Variants in ADAMTS6 observed in about 807,000 individuals in gnomAD.
ADAMTS6 encodes the protein A disintegrin and metalloproteinase with thrombospondin motifs 6.
ADAMTS6 carries 23 observed loss-of-function variants against 144.3 expected under a neutral mutation model. The observed-to-expected ratio is 0.16, with a 90% CI of 0.11 to 0.23. The LOEUF (loss-of-function observed/expected upper bound fraction) is 0.23, where lower values mean the gene tolerates loss of function less well. Ranked by LOEUF, ADAMTS6 falls within the 10% of genes least tolerant of loss-of-function variation. ADAMTS6 has a pLI of 1.00. For missense variants in ADAMTS6, 999 were observed against 1,379.6 expected, an observed-to-expected ratio of 0.72 and a Z score of 4.37; for synonymous variants, 444 against 457.5, an observed-to-expected ratio of 0.97 and a Z score of 0.38.
At chr5:65,287,117 G>T (rs191951129) in intron 11 of ADAMTS6, among the ~76,000 whole-genome samples, 1 of 152,312 alleles carries the variant, frequency 6.6e-6, no homozygotes, top group African/African-American at 2.4e-5. Flanking sequence ...GATCTGGTAA[G>T]AATCTAGCTT....
chr5:65,195,808 C>A (rs937279100), intron 21 of ADAMTS6, among the ~76,000 whole-genome samples: 3 of 152,162 alleles, frequency 2.0e-5, no homozygotes, highest in Admixed American at 6.5e-5. Context: ...ATTAATTAAC[C>A]AGGAAGATAA....
intron 7 of ADAMTS6, among the ~76,000 whole-genome samples, chr5:65,417,063 G>T (rs1375250261): frequency 6.6e-6 from 1 of 152,078 alleles, no homozygotes. Flanking sequence ...GGGATGCAAG[G>T]TTGGTTCAAC....
Position 65,422,917 on chromosome 5 carries a change from G to A in ADAMTS6, c.1073+28558C>T, listed in dbSNP as rs533762964. Among the ~76,000 whole-genome samples, 23 of 152,130 alleles carry A rather than the reference G, an allele frequency of 1.5e-4. No individual in the cohort carries two copies. The South Asian group carries it at 4.6e-3, about 30-fold the overall frequency. On this transcript the variant is annotated intron_variant, in intron 7 of 24. Coordinates refer to ENST00000381055, the MANE Select transcript of ADAMTS6 (RefSeq NM_197941.4). ...CCTAAGTTCTAAGTTCCCATCAAAC[G>A]ATGAATGGATTAAGAAAATGCGATA...
intron 7 of ADAMTS6, among the ~76,000 whole-genome samples, chr5:65,401,419 A>T (rs1347325370): frequency 6.6e-6 from 1 of 152,076 alleles, no homozygotes; most frequent in Non-Finnish European, 1.5e-5. Context: ...AAAAGAACAG[A>T]GTGCTCTGGC....
chr5:65,471,483 G>T (rs375098962), intron 2 of ADAMTS6, among the ~76,000 whole-genome samples: 4 of 152,054 alleles, frequency 2.6e-5, no homozygotes, highest in East Asian at 3.9e-4. Context: ...TAAAAGAAAA[G>T]AGTTTAGCTC....
chr5:65,330,507 T>G (rs539862152), intron 8 of ADAMTS6, among the ~76,000 whole-genome samples: 1 of 152,198 alleles, frequency 6.6e-6, no homozygotes, highest in South Asian at 2.1e-4. Flanking sequence ...CCACCAAAAG[T>G]GATTTCGATT....
intron 7 of ADAMTS6, among the ~76,000 whole-genome samples, chr5:65,337,185 A>G (rs143168604): frequency 7.9e-5 from 12 of 152,172 alleles, no homozygotes; most frequent in African/African-American, 2.9e-4. Context: ...ATTCAAATAT[A>G]GAATTGATGA....
At chr5:65,340,794 T>C (rs902142702) in intron 7 of ADAMTS6, among the ~76,000 whole-genome samples, 1 of 152,072 alleles carries the variant, frequency 6.6e-6, no homozygotes, top group Admixed American at 6.5e-5. Context: ...TATACCTCTA[T>C]TTATATCAGA....
chr5:65,178,229 T>G (rs1754102505), intron 22 of ADAMTS6, among the ~76,000 whole-genome samples: 1 of 152,096 alleles, frequency 6.6e-6, no homozygotes, highest in Non-Finnish European at 1.5e-5. Flanking sequence ...ACCCTGACAT[T>G]TCATCAATCA....
chr5:65,298,618 A>C (rs1580331027), intron 10 of ADAMTS6, among the ~76,000 whole-genome samples: 1 of 152,176 alleles, frequency 6.6e-6, no homozygotes, highest in East Asian at 1.9e-4. Flanking sequence ...ATAGCACTTC[A>C]ATCAGTTTTC....
At chr5:65,375,524 T>A (rs897542120) in intron 7 of ADAMTS6, among the ~76,000 whole-genome samples, 4 of 152,100 alleles carry the variant, frequency 2.6e-5, no homozygotes, top group African/African-American at 9.7e-5. Context: ...TCACCATCAC[T>A]GGCCATCAGA....
At chr5:65,473,541 A>T in intron 2 of ADAMTS6, 36 bp downstream of exon 2, 2 of 1,522,418 alleles carry the variant, frequency 1.3e-6, no homozygotes, top group Non-Finnish European at 1.8e-6. Flanking sequence ...AATTAATAGC[A>T]ATATTTTTTG....
chr5:65,455,925 C>T (rs1220524694), intron 4 of ADAMTS6, among the ~76,000 whole-genome samples: 2 of 151,802 alleles, frequency 1.3e-5, no homozygotes, highest in Non-Finnish European at 2.9e-5. Context: ...GTTTGCTTGG[C>T]TATCACTCTA....
At chr5:65,167,404 C>A (rs967693895) in intron 24 of ADAMTS6, among the ~76,000 whole-genome samples, 3 of 152,008 alleles carry the variant, frequency 2.0e-5, no homozygotes, top group Non-Finnish European at 4.4e-5. Context: ...GTTTACCAAC[C>A]AAAAAGAGTC....
At chr5:65,197,177 T>C (rs866978702) in intron 20 of ADAMTS6, 26 bp from the exon 21 acceptor site, 4 of 1,611,192 alleles carry the variant, frequency 2.5e-6, no homozygotes, top group African/African-American at 1.3e-5. Context: ...ACATCATTAA[T>C]TGAAGAGAAG....
intron 12 of ADAMTS6, among the ~76,000 whole-genome samples, chr5:65,272,516 T>G (rs2112652312): frequency 6.6e-6 from 1 of 152,258 alleles, no homozygotes; most frequent in South Asian, 2.1e-4. Context: ...AATAATTATA[T>G]TTTTGAAAGC....
Position 65,149,376 on chromosome 5 carries a change from G to A in ADAMTS6, c.*2460C>T, listed in dbSNP as rs1402842041. On this transcript the variant is annotated 3_prime_UTR_variant, in exon 25 of 25. Coordinates refer to ENST00000381055, the MANE Select transcript of ADAMTS6 (RefSeq NM_197941.4). ...AATAGAATTGTTTTAACCTACTCAGGTTTCAATTCAAGGCTTACTTGAAAC... is the reference window on the plus strand; with the variant it reads ...AATAGAATTGTTTTAACCTACTCAGATTTCAATTCAAGGCTTACTTGAAAC... 2.0e-5 allele frequency: 3 copies of A among 152,202 alleles called. No homozygotes were observed. Among genetic ancestry groups the A allele is most frequent in the Admixed American group, 2.0e-4 (3 of 15,282 alleles). 9.4% of individuals were successfully genotyped at this position (152,202 alleles called of 1,614,324 possible).
chr5:65,408,862 A>G (rs544696118), intron 7 of ADAMTS6, among the ~76,000 whole-genome samples: 1 of 152,332 alleles, frequency 6.6e-6, no homozygotes, highest in Admixed American at 6.5e-5. Context: ...AAACTGCTCA[A>G]CTACATGGAA....
At chr5:65,383,297 G>A (rs1315547511) in intron 7 of ADAMTS6, among the ~76,000 whole-genome samples, 1 of 152,004 alleles carries the variant, frequency 6.6e-6, no homozygotes, top group Non-Finnish European at 1.5e-5. Flanking sequence ...ATCAAATATT[G>A]GTGAGACTCA....
Sources: gnomAD v4.1 joint callset for allele counts (sites outside exome capture counted in the v4.1 genomes callset) on GRCh38, gnomAD v4.1.1 for gene constraint, MANE v1.5 for transcripts, NCBI Gene and HGNC (gene_info 2026-07-23, HGNC 2026-07-21) for gene names.